The following NPTX2 variants were observed in gnomAD, a reference collection of about 807,000 sequenced individuals.
The protein encoded by NPTX2 is neuronal pentraxin 2, also known as neuronal pentraxin-2.
In NPTX2, 23 loss-of-function variants were observed where a neutral mutation model predicts 38.1. That is an observed-to-expected ratio of 0.60 (90% CI 0.43 to 0.85). NPTX2 has a LOEUF of 0.85. Among genes scored for constraint, NPTX2 ranks in the 40% least tolerant of loss-of-function variants. NPTX2 has a pLI of 0.00. For synonymous variants in NPTX2, 291 were observed against 287.3 expected (o/e 1.01, Z -0.13); for missense variants, 553 against 615.3 (o/e 0.90, Z 1.07).
Position 98,620,290 on chromosome 7 carries a change from G to A in NPTX2, c.643+431G>A, listed in dbSNP as rs527582053. 8 of 200,384 alleles carry A rather than the reference G, an allele frequency of 4.0e-5. No homozygotes were observed. In the East Asian group the frequency reaches 5.5e-4, roughly 14 times the overall value. The allele number at this position is 200,384 out of a possible 1,614,324, so 12.4% of individuals were successfully genotyped here. A position where few individuals can be genotyped will look rare whatever the true frequency, so the allele number is the denominator to read the frequency against. ...TGGGTTTGAAGTTGTAGGTTTGCCC[G>A]TAGTGGGTGTTTATAAGACTGGAAT... is the stretch of plus-strand genomic sequence containing the variant. On this transcript the variant is annotated intron_variant, in intron 2 of 4. Coordinates refer to ENST00000265634, the MANE Select transcript of NPTX2 (RefSeq NM_002523.3).
In NPTX2 at chr7:98,619,624, C is replaced by A; in HGVS notation, c.427-19C>A. ...TTTAACTCTTTCTGTGCCCCTCCCTCCTCCCCGGTGGCTGAAAGCACCAGC... is the reference window on the plus strand; with the variant it reads ...TTTAACTCTTTCTGTGCCCCTCCCTACTCCCCGGTGGCTGAAAGCACCAGC... On this transcript the variant is annotated intron_variant, in intron 1 of 4. Transcript: ENST00000265634. The A allele has an allele frequency of 6.3e-7, 1 of 1,599,252 alleles. No homozygotes were observed. Among genetic ancestry groups the A allele is most frequent in the Non-Finnish European group, 8.6e-7 (1 of 1,168,054 alleles).
Position 98,617,774 on chromosome 7 carries a change from G to A in NPTX2, c.313G>A (p.Ala105Thr), listed in dbSNP as rs894590462. The A allele has an allele frequency of 2.3e-5, 34 of 1,446,882 alleles. No individual in the cohort carries two copies. The highest frequency in any genetic ancestry group is 2.6e-5 in the Non-Finnish European group (29 of 1,112,970). The allele number at this position is 1,446,882 out of a possible 1,614,324, so 89.6% of individuals were successfully genotyped here. ...GCTGGCGGGCGGCAAGGCGCGCGGC[G>A]CGGGGGCCACGGGCAAGGACACTAT... ...EGLAGGKARGAGATGKDTMGD... is the reference protein window; with the variant it reads ...EGLAGGKARGTGATGKDTMGD... The change falls in exon 1 of 5, where the codon GCG (alanine) becomes ACG (threonine). Residue 105 changes from alanine to threonine, a missense_variant. Transcript: ENST00000265634.
intron 2 of NPTX2, among the ~76,000 whole-genome samples, chr7:98,622,450 G>C (rs565747980): frequency 5.9e-5 from 9 of 152,280 alleles, no homozygotes; most frequent in African/African-American, 1.7e-4. Flanking sequence ...CTCTTTATTA[G>C]ACAATGATGC....
chr7:98,617,511 C>T lies in NPTX2; in HGVS notation c.50C>T (p.Ala17Val). ...ASVALAVAAG[A>V]QDSPAPGSRF... The stretch of plus-strand genomic sequence containing the variant: ...GTGGCGCTCGCCGTGGCCGCTGGGG[C>T]CCAGGACAGCCCGGCGCCCGGTAGC... The change falls in exon 1 of 5, where the codon GCC becomes GTC. Residue 17 changes from alanine (A) to valine (V), a missense_variant. Physicochemically the swap from Ala to Val is moderately conservative, Grantham distance 64 (BLOSUM62 0). Transcript: ENST00000265634. 3 of 1,375,940 alleles carry T rather than the reference C, an allele frequency of 2.2e-6. No homozygotes were observed. The highest frequency in any genetic ancestry group is 1.6e-5 in the South Asian group (1 of 61,588). The allele number at this position is 1,375,940 out of a possible 1,614,324, so 85.2% of individuals were successfully genotyped here.
chr7:98,619,573 A>T, intron 1 of NPTX2, 70 bp from the exon 2 acceptor site: 3 of 1,360,046 alleles, frequency 2.2e-6, no homozygotes, highest in East Asian at 2.3e-5. Context: ...TGGTCGGGCC[A>T]TCACAGCCAC....
rs779029294 is a variant in NPTX2, at chr7:98,628,417, A to G, written c.1084A>G (p.Arg362Gly). ...CATTCCCCAGGACACCGTGGGGGGT[A>G]GGTTTGATGCCACTCAGGCATTTGT... ...LGQEQDTVGGRFDATQAFVGE... is the reference protein window; with the variant it reads ...LGQEQDTVGGGFDATQAFVGE... Residue 362 changes from arginine (R) to glycine (G), a missense_variant, in exon 5 of 5, where the codon AGG (arginine) becomes GGG (glycine). Arg to Gly is a moderately radical substitution (Grantham distance 125). Coordinates refer to ENST00000265634, the MANE Select transcript of NPTX2 (RefSeq NM_002523.3). The G allele has an allele frequency of 5.7e-6, 9 of 1,592,298 alleles. No individual in the cohort carries two copies. The highest frequency in any genetic ancestry group is 6.9e-6 in the Non-Finnish European group (8 of 1,162,226).
Position 98,617,684 on chromosome 7 carries a change from G to T in NPTX2, c.223G>T (p.Glu75Ter). The change falls in exon 1 of 5, where the codon GAG (glutamate) becomes TAG (stop). Residue 75 changes from glutamate (E) to a stop codon, truncating the protein, a stop_gained. Transcript: ENST00000265634. LOFTEE classifies it high-confidence loss of function. ...QLRETVVQQK[E>*]TLGAQREAIR... ...GCGCGAGACCGTCGTGCAGCAGAAG[G>T]AGACGCTGGGCGCGCAGCGCGAGGC... 3 of 1,464,842 alleles carry T rather than the reference G, an allele frequency of 2.0e-6. No homozygotes were observed. Among genetic ancestry groups the T allele is most frequent in the Non-Finnish European group, 2.7e-6 (3 of 1,118,402 alleles). 90.7% of individuals were successfully genotyped at this position (1,464,842 alleles called of 1,614,324 possible).
Position 98,628,446 on chromosome 7 carries a change from G to A in NPTX2, c.1113G>A (p.Gly371=), listed in dbSNP as rs1397701665. 4 of 1,611,320 alleles carry A rather than the reference G, an allele frequency of 2.5e-6. No homozygotes were observed. The highest frequency in any genetic ancestry group is 3.4e-6 in the Non-Finnish European group (4 of 1,178,328). The change falls in exon 5 of 5, where the codon GGG becomes GGA. Residue 371 remains glycine, a synonymous_variant. Coordinates refer to ENST00000265634, the MANE Select transcript of NPTX2 (RefSeq NM_002523.3). ...GRFDATQAFV[G]ELSQFNIWDR... ...TTGATGCCACTCAGGCATTTGTCGG[G>A]GAGCTCAGCCAGTTCAACATATGGG...
intron 2 of NPTX2, among the ~76,000 whole-genome samples, chr7:98,621,973 C>T (rs1411065691): frequency 6.6e-6 from 1 of 152,192 alleles, no homozygotes; most frequent in Non-Finnish European, 1.5e-5. Context: ...CCAGCAAGCG[C>T]CTGACCCCTG....
rs1791328734 is a variant in NPTX2, at chr7:98,625,146, G to A, written c.868G>A (p.Glu290Lys). Residue 290 changes from glutamate to lysine, a missense_variant, in exon 3 of 5, where the codon GAG (glutamate) becomes AAG (lysine). Coordinates refer to ENST00000265634, the MANE Select transcript of NPTX2 (RefSeq NM_002523.3). ...VLIEWGNNPIELLINDKVAQL... is the reference protein window; with the variant it reads ...VLIEWGNNPIKLLINDKVAQL... ...GATCGAGTGGGGCAACAACCCCATC[G>A]AGCTGCTCATCAACGACAAGGTGAG... 7 of 1,598,170 alleles carry A rather than the reference G, an allele frequency of 4.4e-6. No homozygotes were observed. Among genetic ancestry groups the A allele is most frequent in the Non-Finnish European group, 6.0e-6 (7 of 1,169,316 alleles).
chr7:98,619,396 C>T (rs577603887), intron 1 of NPTX2, among the ~76,000 whole-genome samples: 1 of 152,134 alleles, frequency 6.6e-6, no homozygotes, highest in African/African-American at 2.4e-5. Flanking sequence ...AGGAGAAAAA[C>T]GGCTTTTTGA....
In NPTX2 at chr7:98,619,669, T is replaced by C; in HGVS notation, c.453T>C (p.Asn151=). 3 of 1,613,328 alleles carry C rather than the reference T, an allele frequency of 1.9e-6. No individual in the cohort carries two copies. Among genetic ancestry groups the C allele is most frequent in the Non-Finnish European group, 2.5e-6 (3 of 1,180,028 alleles). Residue 151 remains asparagine, a synonymous_variant, in exon 2 of 5, where the codon AAT becomes AAC. Transcript: ENST00000265634. ...LEHQLRANVS[N]AGLPGDFREV... is the part of the protein sequence containing the mutation. ...ACCAGCTCAGAGCAAACGTGTCCAATGCTGGGCTGCCCGGCGACTTCCGCG... is the reference window on the plus strand; with the variant it reads ...ACCAGCTCAGAGCAAACGTGTCCAACGCTGGGCTGCCCGGCGACTTCCGCG...
At chr7:98,619,525 A>G (rs1265022783) in intron 1 of NPTX2, 118 bp from the exon 2 acceptor site, 1 of 795,096 alleles carries the variant, frequency 1.3e-6, no homozygotes, top group African/African-American at 1.7e-5. Context: ...TGCCAGTGGC[A>G]AGATTCAGGG....
chr7:98,624,801 G>A (rs1791320068), intron 2 of NPTX2, 121 bp from the exon 3 acceptor site: 1 of 1,226,384 alleles, frequency 8.2e-7, no homozygotes, highest in African/African-American at 1.5e-5. Context: ...CTTGCTGGAG[G>A]GTCCATCAAG....
Position 98,617,408 on chromosome 7 carries a change from G to A in NPTX2, c.-54G>A. 1 of 518,142 alleles carries A rather than the reference G, an allele frequency of 1.9e-6. No individual in the cohort carries two copies. Among genetic ancestry groups the A allele is most frequent in the Non-Finnish European group, 2.8e-6 (1 of 355,114 alleles). The allele number at this position is 518,142 out of a possible 1,614,324, so 32.1% of individuals were successfully genotyped here. On this transcript the variant is annotated 5_prime_UTR_variant, in exon 1 of 5. Transcript: ENST00000265634. ...GCAGCGAAGGCGCCTCCCGCGGAGCGCCCCGACGGCGCCCGCTCGCCCATG... is the reference window on the plus strand; with the variant it reads ...GCAGCGAAGGCGCCTCCCGCGGAGCACCCCGACGGCGCCCGCTCGCCCATG...
At position 98,619,622 on chromosome 7, in the gene NPTX2, C is replaced by T. The variant is rs757976737; in HGVS notation, c.427-21C>T. ...TTTTTAACTCTTTCTGTGCCCCTCC[C>T]TCCTCCCCGGTGGCTGAAAGCACCA... On this transcript the variant is annotated intron_variant, in intron 1 of 4. Transcript: ENST00000265634. The T allele has an allele frequency of 2.5e-6, 4 of 1,597,492 alleles. No homozygotes were observed. In the East Asian group the frequency reaches 6.7e-5, roughly 27 times the overall value.
chr7:98,627,477 C>T (rs1791371813), intron 4 of NPTX2, 133 bp downstream of exon 4: 3 of 721,802 alleles, frequency 4.2e-6, no homozygotes, highest in Admixed American at 2.8e-5. Flanking sequence ...GCTGTTCCTG[C>T]TCCCGGCCCC....
rs1421748170 is a variant in NPTX2 at position 98,617,672 on chromosome 7, G to T, written c.211G>T (p.Val71Leu). ...AAVLQLRETVVQQKETLGAQR... is the reference protein window; with the variant it reads ...AAVLQLRETVLQQKETLGAQR... ...GGTGCTGCAGCTGCGCGAGACCGTCGTGCAGCAGAAGGAGACGCTGGGCGC... is the reference window on the plus strand; with the variant it reads ...GGTGCTGCAGCTGCGCGAGACCGTCTTGCAGCAGAAGGAGACGCTGGGCGC... The change falls in exon 1 of 5, where the codon GTG (valine) becomes TTG (leucine). Residue 71 changes from valine (V) to leucine (L), a missense_variant. Transcript: ENST00000265634. The T allele has an allele frequency of 6.8e-7, 1 of 1,475,854 alleles. No individual in the cohort carries two copies. The allele number at this position is 1,475,854 out of a possible 1,614,324, so 91.4% of individuals were successfully genotyped here.
At chr7:98,619,570 G>A in intron 1 of NPTX2, 73 bp from the exon 2 acceptor site, 1 of 1,294,752 alleles carries the variant, frequency 7.7e-7, no homozygotes, top group East Asian at 2.3e-5. Context: ...GTGTGGTCGG[G>A]CCATCACAGC....
Sources: allele counts gnomAD v4.1 joint callset (sites outside exome capture counted in the v4.1 genomes callset), GRCh38; gene constraint gnomAD v4.1.1; transcripts MANE v1.5; gene names NCBI Gene and HGNC (gene_info 2026-07-23, HGNC 2026-07-21).